CCND2: variants seen among roughly 807,000 people sequenced by gnomAD.
CCND2 encodes cyclin D2.
A neutral mutation model predicts 30.2 loss-of-function variants in CCND2; 6 were observed. That is an observed-to-expected ratio of 0.20 (90% confidence interval 0.11 to 0.39). The LOEUF (loss-of-function observed/expected upper bound fraction) is 0.39, where lower values mean the gene tolerates loss of function less well. CCND2 is among the 10% of genes least tolerant of loss of function. The pLI is 1.00. For synonymous variants in CCND2, 150 were observed against 153.1 expected, an observed-to-expected ratio of 0.98 and a Z score of 0.15; for missense variants, 235 against 373.4, an observed-to-expected ratio of 0.63 and a Z score of 3.06.
In CCND2 at chr12:4,302,320, C is replaced by T. The variant is rs1385459542; in HGVS notation, c.*2311C>T. 2 of 232,854 alleles carry T rather than the reference C, an allele frequency of 8.6e-6. No individual in the cohort carries two copies. Among genetic ancestry groups the T allele is most frequent in the African/African-American group, 2.2e-5 (1 of 45,268 alleles). The allele number at this position is 232,854 out of a possible 1,614,324, so 14.4% of individuals were successfully genotyped here. ...ACATTTATGCGGTAGGCTCAGATGTCGTAATTTGCACTTAGGTACCAGGTG... is the reference window on the plus strand; with the variant it reads ...ACATTTATGCGGTAGGCTCAGATGTTGTAATTTGCACTTAGGTACCAGGTG... On this transcript the variant is annotated 3_prime_UTR_variant, in exon 5 of 5. Transcript: ENST00000261254.
chr12:4,284,829 G>C (rs539964789), intron 3 of CCND2, among the ~76,000 whole-genome samples: 1 of 147,996 alleles, frequency 6.8e-6, no homozygotes, highest in Non-Finnish European at 1.5e-5. Context: ...TCCAACTCCC[G>C]GGTTCAAGTG....
At chr12:4,294,463 GA>G (rs1864140920) in intron 4 of CCND2, among the ~76,000 whole-genome samples, 1 of 152,182 alleles carries the variant, frequency 6.6e-6, no homozygotes, top group African/African-American at 2.4e-5. Flanking sequence ...CAGGAAAGCT[GA>G]TGTCCTAGAG....
intron 1 of CCND2, among the ~76,000 whole-genome samples, chr12:4,275,763 G>GGAA (rs1292395584): frequency 6.6e-6 from 1 of 152,056 alleles, no homozygotes; most frequent in Non-Finnish European, 1.5e-5. Flanking sequence ...TTTTGGAGCT[G>GGAA]TAGTTCACCC....
At chr12:4,277,867 A>G (rs1863895254) in intron 2 of CCND2, among the ~76,000 whole-genome samples, 1 of 152,278 alleles carries the variant, frequency 6.6e-6, no homozygotes, top group South Asian at 2.1e-4. Context: ...CTGGTAGCAC[A>G]TACGATATTT....
At position 4,303,482 on chromosome 12, in the gene CCND2, CTTG is replaced by C. The variant is rs1288188037; in HGVS notation, c.*3478_*3480del. 4.3e-6 allele frequency: 1 copy of C among 233,448 alleles called. No individual in the cohort carries two copies. Among genetic ancestry groups the C allele is most frequent in the Non-Finnish European group, 8.5e-6 (1 of 118,046 alleles). The allele number at this position is 233,448 out of a possible 1,614,324, so 14.5% of individuals were successfully genotyped here. The stretch of plus-strand genomic sequence containing the variant: ...CCAAATTATCCTGGTCTTTTTCTAC[CTTG>C]TTGTGTTTCTATCTCGTCTTTACTT... On this transcript the variant is annotated 3_prime_UTR_variant, in exon 5 of 5. Coordinates refer to ENST00000261254, the MANE Select transcript of CCND2 (RefSeq NM_001759.4). This position sits in a 1 kb window ranked among gnomAD's most constrained non-coding sequence, Gnocchi z 4.6.
Position 4,299,824 on chromosome 12 carries a change from T to C in CCND2, c.721-36T>C, listed in dbSNP as rs766726981. 1.2e-6 allele frequency: 2 copies of C among 1,600,454 alleles called. No individual in the cohort carries two copies. The highest frequency in any genetic ancestry group is 4.5e-5 in the East Asian group (2 of 44,608). On this transcript the variant is annotated intron_variant, in intron 4 of 4. Coordinates refer to ENST00000261254, the MANE Select transcript of CCND2 (RefSeq NM_001759.4). The surrounding 1 kb of genome is among the most constrained non-coding windows in gnomAD (Gnocchi z 5.2). ...CGTAGGATGCTCTATGTCCTGTTCC[T>C]CTTACTAACAACTCTGGTCTGGACC... is the stretch of plus-strand genomic sequence containing the variant.
In CCND2 at chr12:4,282,437, C is replaced by T. The variant is rs899591370; in HGVS notation, c.571+3518C>T. Reference sequence around the variant, plus strand: ...CTGGCTTTACCTACAGGTGTTCCCTCAGATTCCATCGCCAAGTGAGAGGGA... The same window carrying T: ...CTGGCTTTACCTACAGGTGTTCCCTTAGATTCCATCGCCAAGTGAGAGGGA... On this transcript the variant is annotated intron_variant, in intron 3 of 4. Transcript: ENST00000261254. This position sits in a 1 kb window ranked among gnomAD's most constrained non-coding sequence, Gnocchi z 4.3. Among the ~76,000 whole-genome samples, 1 of 152,350 alleles carries T rather than the reference C, an allele frequency of 6.6e-6. No individual in the cohort carries two copies. The highest frequency in any genetic ancestry group is 2.4e-5 in the African/African-American group (1 of 41,574).
chr12:4,277,656 A>G (rs1863892530), intron 2 of CCND2, among the ~76,000 whole-genome samples: 2 of 152,126 alleles, frequency 1.3e-5, no homozygotes, highest in African/African-American at 2.4e-5. Flanking sequence ...GAAGAGTCCT[A>G]TTTTACAAAT....
Position 4,288,848 on chromosome 12 carries a change from A to G in CCND2, c.578A>G (p.Lys193Arg), listed in dbSNP as rs1864058508. ...TFIALCATDF[K>R]FAMYPPSMIA... ...TGCCTCTCATTCCTTGCAGACTTTA[A>G]GTTTGCCATGTACCCACCGTCGATG... The change falls in exon 4 of 5, where the codon AAG (lysine) becomes AGG (arginine). Residue 193 changes from lysine to arginine, a missense_variant. Physicochemically the swap from Lys to Arg is conservative, Grantham distance 26 (BLOSUM62 2). This residue lies in a region of CCND2 where 178 missense variants were observed against 322.8 expected (regional missense o/e 0.55). Coordinates refer to ENST00000261254, the MANE Select transcript of CCND2 (RefSeq NM_001759.4). The G allele has an allele frequency of 6.2e-7, 1 of 1,610,382 alleles. No homozygotes were observed.
intron 4 of CCND2, chr12:4,297,768 G>A (rs944907491): frequency 2.6e-5 from 10 of 381,230 alleles, no homozygotes; most frequent in African/African-American, 8.3e-5. Flanking sequence ...TCAACAGGTC[G>A]GACAGGGTAA....
rs1423078518 is a variant in CCND2, at chr12:4,302,970, G to A, written c.*2961G>A. ...CTCAGCACACTCTCCTGGGCCCCAA[G>A]GAGTCCCACGGAATGGGGAAAGCGG... On this transcript the variant is annotated 3_prime_UTR_variant, in exon 5 of 5. Coordinates refer to ENST00000261254, the MANE Select transcript of CCND2 (RefSeq NM_001759.4). The A allele has an allele frequency of 1.3e-5, 3 of 233,232 alleles. No individual in the cohort carries two copies. The highest frequency in any genetic ancestry group is 2.5e-5 in the Non-Finnish European group (3 of 118,090). 14.4% of individuals were successfully genotyped at this position (233,232 alleles called of 1,614,324 possible).
rs1401901328 is a variant in CCND2 at position 4,293,685 on chromosome 12, G to A, written c.720+4695G>A. 2.0e-5 allele frequency among the ~76,000 whole-genome samples: 3 copies of A among 152,200 alleles called. No homozygotes were observed. The highest frequency in any genetic ancestry group is 4.4e-5 in the Non-Finnish European group (3 of 68,018). On this transcript the variant is annotated intron_variant, in intron 4 of 4. Coordinates refer to ENST00000261254, the MANE Select transcript of CCND2 (RefSeq NM_001759.4). The surrounding 1 kb of genome is among the most constrained non-coding windows in gnomAD (Gnocchi z 4.9). ...TAAAAAGCAGGGAGGTGGAGGCGCC[G>A]TGGAAGAAGTCTCAGTTTCGACCAC...
chr12:4,303,050 T>G lies in CCND2; in HGVS notation c.*3041T>G, dbSNP rs1864272043. On this transcript the variant is annotated 3_prime_UTR_variant, in exon 5 of 5. Coordinates refer to ENST00000261254, the MANE Select transcript of CCND2 (RefSeq NM_001759.4). This position sits in a 1 kb window ranked among gnomAD's most constrained non-coding sequence, Gnocchi z 4.6. ...CCTAAAGAGAAACCGAGGTGCAAATTCATTTCATGGTGACTGACCCTTGAG... is the reference window on the plus strand; with the variant it reads ...CCTAAAGAGAAACCGAGGTGCAAATGCATTTCATGGTGACTGACCCTTGAG... The G allele has an allele frequency of 4.3e-6, 1 of 233,154 alleles. No individual in the cohort carries two copies. Among genetic ancestry groups the G allele is most frequent in the Non-Finnish European group, 8.5e-6 (1 of 118,088 alleles). 14.4% of individuals were successfully genotyped at this position (233,154 alleles called of 1,614,324 possible).
intron 3 of CCND2, among the ~76,000 whole-genome samples, chr12:4,281,508 C>T (rs75008139): frequency 0.026 from 4,006 of 152,078 alleles, 131 homozygotes; most frequent in East Asian, 0.17. Context: ...CGAGCTGTTG[C>T]CCTCACCTGC....
At chr12:4,292,908 G>A (rs1174400352) in intron 4 of CCND2, among the ~76,000 whole-genome samples, 9 of 152,178 alleles carry the variant, frequency 5.9e-5, no homozygotes, top group African/African-American at 2.4e-5. Flanking sequence ...GTCGGGCTGC[G>A]TGCCAGCATT....
Position 4,299,836 on chromosome 12 carries a change from C to T in CCND2, c.721-24C>T. ...TATGTCCTGTTCCTCTTACTAACAA[C>T]TCTGGTCTGGACCATTGTTCTAGGA... On this transcript the variant is annotated intron_variant, in intron 4 of 4. Coordinates refer to ENST00000261254, the MANE Select transcript of CCND2 (RefSeq NM_001759.4). The surrounding 1 kb of genome is among the most constrained non-coding windows in gnomAD (Gnocchi z 5.2). 1 of 1,607,614 alleles carries T rather than the reference C, an allele frequency of 6.2e-7. No individual in the cohort carries two copies. The highest frequency in any genetic ancestry group is 8.5e-7 in the Non-Finnish European group (1 of 1,175,488).
At chr12:4,296,705 G>GA (rs58907719) in intron 4 of CCND2, among the ~76,000 whole-genome samples, 35,004 of 125,296 alleles carry the variant, frequency 0.28, 4,538 homozygotes, top group Middle Eastern at 0.4. Context: ...GCCTCTTGGG[G>GA]AAAAAAAAAA....
At position 4,278,760 on chromosome 12, in the gene CCND2, G is replaced by C. The variant is rs1380307234; in HGVS notation, c.412G>C (p.Glu138Gln). 3.7e-6 allele frequency: 6 copies of C among 1,614,068 alleles called. No individual in the cohort carries two copies. Among genetic ancestry groups the C allele is most frequent in the Non-Finnish European group, 4.2e-6 (5 of 1,179,904 alleles). The stretch of plus-strand genomic sequence containing the variant: ...CTTCTCTTCCTGCCTTCCCCTCCAG[G>C]AGTGGGAACTGGTGGTGCTGGGGAA... The part of the protein sequence containing the change: ...DNSIKPQELL[E>Q]WELVVLGKLK... Residue 138 changes from glutamate (E) to glutamine (Q), a missense_variant and splice_region_variant, in exon 3 of 5, where the codon GAG becomes CAG. By Grantham distance (29) the Glu-to-Gln change is conservative. Coordinates refer to ENST00000261254, the MANE Select transcript of CCND2 (RefSeq NM_001759.4).
intron 4 of CCND2, among the ~76,000 whole-genome samples, chr12:4,295,026 A>G (rs1864149209): frequency 6.6e-6 from 1 of 152,176 alleles, no homozygotes; most frequent in African/African-American, 2.4e-5. Flanking sequence ...AGTTGCAGGT[A>G]TCAGCACCAC....
Sources: allele counts gnomAD v4.1 joint callset (sites outside exome capture counted in the v4.1 genomes callset), GRCh38; gene constraint gnomAD v4.1.1; regional missense constraint gnomAD v4.1.1; non-coding constraint Gnocchi (gnomAD v3.1); transcripts MANE v1.5; gene names NCBI Gene and HGNC (gene_info 2026-07-23, HGNC 2026-07-21).